Variants in DISC1 observed in about 807,000 individuals in gnomAD.
DISC1 encodes the protein disrupted in schizophrenia 1 protein.
In DISC1, 57 loss-of-function variants were observed where a neutral mutation model predicts 84.5. The observed-to-expected ratio is 0.67, with a 90% CI of 0.55 to 0.84. The LOEUF is 0.84. Among genes scored for constraint, DISC1 ranks in the 40% least tolerant of loss-of-function variants. The pLI, the probability that DISC1 is intolerant of heterozygous loss-of-function variation, is 0.00. For missense variants in DISC1, 1,000 were observed against 1,057.8 expected, an observed-to-expected ratio of 0.95 and a Z score of 0.76; for synonymous variants, 411 against 415.2, an observed-to-expected ratio of 0.99 and a Z score of 0.12.
chr1:231,873,973 G>T (rs1361848983), intron 9 of DISC1, among the ~76,000 whole-genome samples: 1 of 151,508 alleles, frequency 6.6e-6, no homozygotes, highest in Non-Finnish European at 1.5e-5. Flanking sequence ...CTCGGCCTCT[G>T]AGTAGCTGGG....
chr1:231,725,056 T>C (rs1346476892), intron 3 of DISC1, among the ~76,000 whole-genome samples: 2 of 152,074 alleles, frequency 1.3e-5, no homozygotes, highest in Non-Finnish European at 2.9e-5. Flanking sequence ...TGGCCTGTTA[T>C]GGCTTTGTGT....
intron 10 of DISC1, among the ~76,000 whole-genome samples, chr1:231,996,772 C>A (rs1441617200): frequency 6.6e-6 from 1 of 152,170 alleles, no homozygotes; most frequent in African/African-American, 2.4e-5. Flanking sequence ...TTACTTCCAA[C>A]TGGCAGGAAT....
chr1:231,669,026 A>C (rs1041114387), intron 1 of DISC1, among the ~76,000 whole-genome samples: 1 of 152,126 alleles, frequency 6.6e-6, no homozygotes, highest in East Asian at 1.9e-4. Context: ...ACTGGAGTCT[A>C]TCAGTTTTTC....
intron 9 of DISC1, among the ~76,000 whole-genome samples, chr1:231,915,173 C>T (rs1442197443): frequency 1.3e-5 from 2 of 152,116 alleles, no homozygotes; most frequent in African/African-American, 4.8e-5. Context: ...TTAAAATATA[C>T]CTGAGTTTTT....
intron 9 of DISC1, among the ~76,000 whole-genome samples, chr1:231,942,733 T>C (rs1436942422): frequency 6.6e-6 from 1 of 152,190 alleles, no homozygotes; most frequent in Non-Finnish European, 1.5e-5. Context: ...CGCCACATTT[T>C]AGCTTCAGGA....
chr1:231,947,675 A>AC (rs1657497251), intron 9 of DISC1, among the ~76,000 whole-genome samples: 1 of 152,246 alleles, frequency 6.6e-6, no homozygotes, highest in Non-Finnish European at 1.5e-5. Context: ...CAGGCAACCT[A>AC]CAGAATGGGG....
intron 4 of DISC1, among the ~76,000 whole-genome samples, chr1:231,759,791 AC>A (rs1359824870): frequency 1.3e-5 from 2 of 152,114 alleles, no homozygotes; most frequent in African/African-American, 4.8e-5. Flanking sequence ...ACCACAAGAG[AC>A]AGTGGCATGC....
chr1:231,691,429 CA>C (rs373818345), intron 1 of DISC1, among the ~76,000 whole-genome samples: 6 of 140,092 alleles, frequency 4.3e-5, no homozygotes, highest in Admixed American at 7.2e-5. Flanking sequence ...GAGACTGTCT[CA>C]AAAAAAAAAC....
intron 4 of DISC1, 106 bp from the exon 5 acceptor site, chr1:231,767,034 G>A (rs532684119): frequency 1.3e-6 from 2 of 1,481,996 alleles, no homozygotes; most frequent in Admixed American, 1.8e-5. Flanking sequence ...CTAAGTATGA[G>A]AACAGATGGG....
At chr1:231,950,406 C>T (rs1300921740) in intron 9 of DISC1, among the ~76,000 whole-genome samples, 3 of 152,062 alleles carry the variant, frequency 2.0e-5, no homozygotes, top group Admixed American at 6.5e-5. Flanking sequence ...CAGTTATATG[C>T]GCCAGAAAGC....
Position 231,626,915 on chromosome 1 carries a change from C to T in DISC1, c.48C>T (p.Gly16=). The change falls in exon 1 of 13, where the codon GGC becomes GGT. Residue 16 remains glycine (G), a synonymous_variant. Transcript: ENST00000439617. ...PQGAPAAAGG[G]GVSHRAGSRD... is the part of the protein sequence containing the mutation. ...GCGCCCCAGCCGCCGCCGGCGGCGG[C>T]GGCGTGAGCCACCGCGCAGGTAGGG... is the stretch of plus-strand genomic sequence containing the variant. 2 of 1,501,160 alleles carry T rather than the reference C, an allele frequency of 1.3e-6. No individual in the cohort carries two copies. The highest frequency in any genetic ancestry group is 1.8e-6 in the Non-Finnish European group (2 of 1,133,176). 93.0% of individuals were successfully genotyped at this position (1,501,160 alleles called of 1,614,324 possible).
intron 9 of DISC1, among the ~76,000 whole-genome samples, chr1:231,849,850 T>C (rs1373087713): frequency 6.6e-6 from 1 of 152,232 alleles, no homozygotes; most frequent in Non-Finnish European, 1.5e-5. Flanking sequence ...TCCTATAGAC[T>C]GTAAGATTTT....
At chr1:231,711,518 C>T (rs865967116) in intron 3 of DISC1, among the ~76,000 whole-genome samples, 13 of 151,636 alleles carry the variant, frequency 8.6e-5, no homozygotes, top group Admixed American at 4.6e-4. Context: ...TGCTGCCATG[C>T]CTGGCTAATT....
At chr1:231,999,750 C>A (rs1666415231) in intron 10 of DISC1, among the ~76,000 whole-genome samples, 1 of 152,064 alleles carries the variant, frequency 6.6e-6, no homozygotes, top group African/African-American at 2.4e-5. Context: ...GCCTTCTGCC[C>A]CTTCAGCTAG....
chr1:231,919,818 A>G (rs1465337021), intron 9 of DISC1, among the ~76,000 whole-genome samples: 1 of 152,210 alleles, frequency 6.6e-6, no homozygotes, highest in Non-Finnish European at 1.5e-5. Context: ...GATTACAAAT[A>G]ATTTCAGGTG....
At chr1:231,992,851 T>C (rs1665405560) in intron 10 of DISC1, among the ~76,000 whole-genome samples, 1 of 152,194 alleles carries the variant, frequency 6.6e-6, no homozygotes, top group Non-Finnish European at 1.5e-5. Flanking sequence ...TTCAGTTCAT[T>C]AGTTATTGAG....
chr1:231,705,852 G>A (rs2067026443), intron 3 of DISC1, among the ~76,000 whole-genome samples: 1 of 152,094 alleles, frequency 6.6e-6, no homozygotes, highest in African/African-American at 2.4e-5. Flanking sequence ...CTGTCTCAGG[G>A]GAAGGGGTCT....
intron 1 of DISC1, among the ~76,000 whole-genome samples, chr1:231,660,055 T>C (rs768016350): frequency 2.4e-4 from 37 of 152,188 alleles, no homozygotes; most frequent in Non-Finnish European, 4.1e-4. Context: ...ATTTGTCTAA[T>C]ATTGTCAGTG....
intron 9 of DISC1, among the ~76,000 whole-genome samples, chr1:231,911,533 C>G (rs1376038785): frequency 6.6e-6 from 1 of 152,140 alleles, no homozygotes; most frequent in South Asian, 2.1e-4. Flanking sequence ...GAGTTTCTGT[C>G]GAACGATCCA....
Sources: gnomAD v4.1 joint callset for allele counts (sites outside exome capture counted in the v4.1 genomes callset) on GRCh38, gnomAD v4.1.1 for gene constraint, MANE v1.5 for transcripts, NCBI Gene and HGNC (gene_info 2026-07-23, HGNC 2026-07-21) for gene names.